OR3A2: variants seen among roughly 807,000 people sequenced by gnomAD.
The protein encoded by OR3A2 is olfactory receptor 3A2.
For synonymous variants in OR3A2, 126 were observed against 159.3 expected (o/e 0.79, Z 1.57); for missense variants, 318 against 392.8 (o/e 0.81, Z 1.61).
At chr17:3,306,669 T>C (rs1458957073) in intron 3 of OR3A2, among the ~76,000 whole-genome samples, 1 of 115,290 alleles carries the variant, frequency 8.7e-6, no homozygotes, top group Non-Finnish European at 1.7e-5. Flanking sequence ...CACTGTGCTC[T>C]ACTACTCTTC....
At chr17:3,287,908 TATC>T (rs2048828398), upstream of OR3A2, among the ~76,000 whole-genome samples, 1 of 151,682 alleles carries the variant, frequency 6.6e-6, no homozygotes, top group African/African-American at 2.4e-5. Flanking sequence ...AGACAATTGT[TATC>T]TACTAGGAAA....
At chr17:3,328,074 T>C (rs985993955) in intron 3 of OR3A2, among the ~76,000 whole-genome samples, 5 of 145,518 alleles carry the variant, frequency 3.4e-5, no homozygotes, top group African/African-American at 1.3e-4. Flanking sequence ...TTTAAAGTAG[T>C]TTTTTCCAAT....
At chr17:3,361,351 C>T (rs1179786488) in intron 2 of OR3A2, among the ~76,000 whole-genome samples, 1 of 151,606 alleles carries the variant, frequency 6.6e-6, no homozygotes, top group Non-Finnish European at 1.5e-5. Context: ...ACAATCATGT[C>T]ATCTGCAAAC....
chr17:3,359,489 A>G (rs2049491544), intron 2 of OR3A2, among the ~76,000 whole-genome samples: 1 of 151,690 alleles, frequency 6.6e-6, no homozygotes, highest in Non-Finnish European at 1.5e-5. Context: ...TTCCCTCAAT[A>G]TTTGCTTATC....
chr17:3,368,878 T>C (rs1388288538), intron 2 of OR3A2, among the ~76,000 whole-genome samples: 1 of 152,346 alleles, frequency 6.6e-6, no homozygotes, highest in East Asian at 1.9e-4. Context: ...GCATGGGATA[T>C]GTTTCCGTTT....
At chr17:3,356,621 T>G (rs1415520088) in intron 2 of OR3A2, among the ~76,000 whole-genome samples, 1 of 151,484 alleles carries the variant, frequency 6.6e-6, no homozygotes, top group Non-Finnish European at 1.5e-5. Flanking sequence ...GACACTATTT[T>G]CCACCATAAA....
chr17:3,341,340 T>C (rs532094347), intron 2 of OR3A2, among the ~76,000 whole-genome samples: 2 of 152,366 alleles, frequency 1.3e-5, no homozygotes, highest in East Asian at 3.9e-4. Flanking sequence ...CGTTAATTGA[T>C]GCAGTTTCTT....
intron 2 of OR3A2, among the ~76,000 whole-genome samples, chr17:3,361,584 C>T (rs230471): frequency 1.3e-5 from 2 of 151,200 alleles, no homozygotes; most frequent in East Asian, 1.9e-4. Context: ...TTTTGAGATA[C>T]GTCCCATCAA....
chr17:3,336,928 C>A (rs997613201), intron 2 of OR3A2, among the ~76,000 whole-genome samples: 3 of 152,152 alleles, frequency 2.0e-5, no homozygotes, highest in Non-Finnish European at 2.9e-5. Flanking sequence ...AAGACCAGTT[C>A]TTCCACCCCT....
chr17:3,361,340 T>C (rs1473153421), intron 2 of OR3A2, among the ~76,000 whole-genome samples: 7 of 151,652 alleles, frequency 4.6e-5, no homozygotes, highest in South Asian at 2.1e-4. Context: ...TTTCTAGATA[T>C]ACAATCATGT....
At chr17:3,355,542 T>G (rs2049460024) in intron 2 of OR3A2, among the ~76,000 whole-genome samples, 2 of 151,400 alleles carry the variant, frequency 1.3e-5, no homozygotes, top group Admixed American at 1.3e-4. Flanking sequence ...TATATCCTGT[T>G]GCTGAATTGA....
At chr17:3,335,347 T>G (rs405923) in intron 3 of OR3A2, among the ~76,000 whole-genome samples, 88,379 of 151,780 alleles carry the variant, frequency 0.58, 26,619 homozygotes, top group African/African-American at 0.71. Flanking sequence ...TTCTTCCTTT[T>G]CTTGTATGCC....
intron 2 of OR3A2, among the ~76,000 whole-genome samples, chr17:3,349,711 C>A (rs865884497): frequency 5.5e-4 from 83 of 150,922 alleles, no homozygotes; most frequent in African/African-American, 1.8e-3. Flanking sequence ...CTCTCCACCC[C>A]AAATCAACAG....
chr17:3,313,931 G>A (rs2049061871), intron 3 of OR3A2, among the ~76,000 whole-genome samples: 1 of 152,168 alleles, frequency 6.6e-6, no homozygotes, highest in Non-Finnish European at 1.5e-5. Flanking sequence ...TTCCACATAG[G>A]AAGTCAGTGA....
At chr17:3,292,261 G>C (rs1555524968) in intron 3 of OR3A2, 2 of 1,614,050 alleles carry the variant, frequency 1.2e-6, no homozygotes, top group African/African-American at 2.7e-5. Context: ...ACGAACAGAT[G>C]GAAGAAGAAG....
chr17:3,375,247 C>CTTT (rs1567572519), intron 2 of OR3A2, among the ~76,000 whole-genome samples: 2 of 28,838 alleles, frequency 6.9e-5, no homozygotes, highest in African/African-American at 4.1e-4. Flanking sequence ...TTTTTTTTTC[C>CTTT]CCCCCTTTTT....
chr17:3,359,712 T>C (rs1024169413), intron 2 of OR3A2, among the ~76,000 whole-genome samples: 7 of 151,660 alleles, frequency 4.6e-5, no homozygotes, highest in Non-Finnish European at 7.4e-5. Context: ...AGAATGATGG[T>C]TTCCAGCTTC....
At chr17:3,349,630 G>A (rs1307381853) in intron 2 of OR3A2, among the ~76,000 whole-genome samples, 2 of 151,910 alleles carry the variant, frequency 1.3e-5, no homozygotes, top group African/African-American at 2.4e-5. Context: ...CAACGAGACA[G>A]AAAGTCAACA....
chr17:3,325,605 G>A (rs2049164805), intron 3 of OR3A2, among the ~76,000 whole-genome samples: 1 of 151,854 alleles, frequency 6.6e-6, no homozygotes, highest in Non-Finnish European at 1.5e-5. Context: ...TTTATATTCT[G>A]TTACAGCAGT....
Sources: allele counts gnomAD v4.1 joint callset (sites outside exome capture counted in the v4.1 genomes callset), GRCh38; gene constraint gnomAD v4.1.1; transcripts MANE v1.5; gene names NCBI Gene and HGNC (gene_info 2026-07-23, HGNC 2026-07-21).